The following PLPP1 variants were observed in gnomAD, a reference collection of about 807,000 sequenced individuals.
The protein encoded by PLPP1 is lipid phosphate phosphohydrolase 1a.
PLPP1 carries 24 observed loss-of-function variants against 31.2 expected under a neutral mutation model. The ratio of observed to expected loss-of-function variants is 0.77; its 90% CI spans 0.56 to 1.08. The LOEUF (loss-of-function observed/expected upper bound fraction) is 1.08, where lower values mean the gene tolerates loss of function less well. Among genes scored for constraint, PLPP1 ranks in the 50% least tolerant of loss-of-function variants. PLPP1 has a pLI of 0.00. For synonymous variants in PLPP1, 146 were observed against 126.3 expected (o/e 1.16, Z -1.05); for missense variants, 319 against 342.7 (o/e 0.93, Z 0.55).
At chr5:55,476,445 A>T (rs896549488) in intron 1 of PLPP1, among the ~76,000 whole-genome samples, 12 of 152,062 alleles carry the variant, frequency 7.9e-5, no homozygotes, top group Non-Finnish European at 1.6e-4. Context: ...AAAACGCCAA[A>T]TTTTTGCCTA....
intron 1 of PLPP1, among the ~76,000 whole-genome samples, chr5:55,526,737 C>T (rs970513617): frequency 4.6e-5 from 7 of 151,944 alleles, no homozygotes; most frequent in Admixed American, 1.3e-4. Context: ...TCGAGACCAT[C>T]CTGGCTAACA....
intron 1 of PLPP1, among the ~76,000 whole-genome samples, chr5:55,517,533 T>C (rs1038407556): frequency 7.9e-5 from 12 of 152,182 alleles, no homozygotes; most frequent in Non-Finnish European, 1.6e-4. Context: ...TGTGAGGATA[T>C]GAAATAAGAG....
intron 3 of PLPP1, among the ~76,000 whole-genome samples, chr5:55,457,164 C>CAA (rs78123061): frequency 7.9e-4 from 82 of 103,178 alleles, no homozygotes; most frequent in African/African-American, 2.9e-3. Flanking sequence ...CGTCTCAGAC[C>CAA]AAAAAAAAAA....
Position 55,534,847 on chromosome 5 carries a change from A to G in PLPP1, c.-218T>C. 1.9e-6 allele frequency: 1 copy of G among 533,420 alleles called. No homozygotes were observed. The highest frequency in any genetic ancestry group is 3.3e-6 in the Non-Finnish European group (1 of 306,830). 33.0% of individuals were successfully genotyped at this position (533,420 alleles called of 1,614,324 possible). Reference sequence around the variant, plus strand: ...CCCTCCCCTCACAGCCCCCGCGAACACTCGGTTAGTGCCGAGGCGCTCGTG... The same window carrying G: ...CCCTCCCCTCACAGCCCCCGCGAACGCTCGGTTAGTGCCGAGGCGCTCGTG... On this transcript the variant is annotated 5_prime_UTR_variant, in exon 1 of 6. Coordinates refer to ENST00000307259, the MANE Select transcript of PLPP1 (RefSeq NM_003711.4).
chr5:55,438,911 A>AG (rs1010270878), intron 4 of PLPP1, among the ~76,000 whole-genome samples: 1 of 152,114 alleles, frequency 6.6e-6, no homozygotes, highest in African/African-American at 2.4e-5. Flanking sequence ...AAAAAAAAAA[A>AG]AAAAGTTGTA....
intron 1 of PLPP1, among the ~76,000 whole-genome samples, chr5:55,513,337 T>G (rs976033464): frequency 1.3e-5 from 2 of 150,854 alleles, no homozygotes; most frequent in African/African-American, 4.9e-5. Flanking sequence ...CTCAGCTAAC[T>G]GCAACCTCTG....
intron 1 of PLPP1, among the ~76,000 whole-genome samples, chr5:55,479,634 GA>G: frequency 2.6e-5 from 1 of 39,104 alleles, no homozygotes; most frequent in East Asian, 4.0e-4. Context: ...CCTGGTCCCT[GA>G]ACCGGGTGAA....
rs186311278 is a variant in PLPP1, at chr5:55,425,424, A to G, written c.727-90T>C. ...TCAACAGCATCCTAAGATAAATATAAACAAAAGGATATACTTTGAGGTGTA... is the reference window on the plus strand; with the variant it reads ...TCAACAGCATCCTAAGATAAATATAGACAAAAGGATATACTTTGAGGTGTA... On this transcript the variant is annotated intron_variant, in intron 5 of 5. Transcript: ENST00000307259. 5.6e-5 allele frequency: 68 copies of G among 1,223,142 alleles called. No individual in the cohort carries two copies. The African/African-American group carries it at 1.0e-3, about 18-fold the overall frequency. The allele number at this position is 1,223,142 out of a possible 1,614,324, so 75.8% of individuals were successfully genotyped here.
At chr5:55,464,072 G>A (rs1579941269) in intron 3 of PLPP1, among the ~76,000 whole-genome samples, 1 of 151,592 alleles carries the variant, frequency 6.6e-6, no homozygotes, top group South Asian at 2.1e-4. Context: ...AAACCACACT[G>A]AGATACCATA....
chr5:55,491,136 G>C (rs764104657), intron 1 of PLPP1: 6 of 1,604,432 alleles, frequency 3.7e-6, no homozygotes, highest in Non-Finnish European at 5.1e-6. Flanking sequence ...GGGAAAAAAA[G>C]ACACACATGA....
At chr5:55,494,147 G>A (rs922032158) in intron 1 of PLPP1, among the ~76,000 whole-genome samples, 13 of 151,234 alleles carry the variant, frequency 8.6e-5, no homozygotes, top group Non-Finnish European at 1.8e-4. Context: ...CAGCAACATG[G>A]TAAAATGAGG....
chr5:55,425,783 T>G, intron 5 of PLPP1, 80 bp downstream of exon 5: 2 of 1,230,576 alleles, frequency 1.6e-6, no homozygotes, highest in Non-Finnish European at 2.1e-6. Context: ...CAGCTGGGGA[T>G]TTTTTGGATT....
rs1227773844 is a variant in PLPP1 at position 55,534,708 on chromosome 5, G to A, written c.-79C>T. 3.5e-6 allele frequency: 5 copies of A among 1,428,444 alleles called. No individual in the cohort carries two copies. The highest frequency in any genetic ancestry group is 1.3e-5 in the South Asian group (1 of 77,242). 88.5% of individuals were successfully genotyped at this position (1,428,444 alleles called of 1,614,324 possible). On this transcript the variant is annotated 5_prime_UTR_variant, in exon 1 of 6. Transcript: ENST00000307259. ...GCCGAGGCCCTTGATTCTCGAGCCC[G>A]GGCCGGGGCTGGCGACGGCCCCGAG...
At chr5:55,530,437 C>T in intron 1 of PLPP1, 2 of 1,266,208 alleles carry the variant, frequency 1.6e-6, no homozygotes, top group Non-Finnish European at 2.3e-6. Flanking sequence ...GTAGGATGAC[C>T]AGAAGAACTT....
At chr5:55,440,205 AAAAC>A (rs1447545262) in intron 4 of PLPP1, among the ~76,000 whole-genome samples, 1 of 152,216 alleles carries the variant, frequency 6.6e-6, no homozygotes, top group African/African-American at 2.4e-5. Context: ...AGGTGAGCGA[AAAAC>A]AAACCACAAT....
intron 3 of PLPP1, among the ~76,000 whole-genome samples, chr5:55,459,558 G>C (rs1561231342): frequency 6.6e-6 from 1 of 152,150 alleles, no homozygotes; most frequent in African/African-American, 2.4e-5. Context: ...AGGGGGATGG[G>C]AATCAACTAA....
chr5:55,505,446 G>A (rs1301250725), intron 1 of PLPP1, among the ~76,000 whole-genome samples: 73 of 73,990 alleles, frequency 9.9e-4, no homozygotes, highest in Non-Finnish European at 1.7e-3. Flanking sequence ...CTATACACAC[G>A]CAAAAAAAAA....
chr5:55,485,200 G>GAA (rs1752750636), intron 1 of PLPP1: 2 of 152,280 alleles, frequency 1.3e-5, no homozygotes, highest in Admixed American at 1.3e-4. Context: ...AAACTACAGT[G>GAA]AAAGCAGTCT....
At chr5:55,434,612 A>C (rs2111683342) in intron 4 of PLPP1, among the ~76,000 whole-genome samples, 1 of 152,292 alleles carries the variant, frequency 6.6e-6, no homozygotes, top group African/African-American at 2.4e-5. Context: ...AATAGATACC[A>C]GAAATAAGTC....
Sources: gnomAD v4.1 joint callset for allele counts (sites outside exome capture counted in the v4.1 genomes callset) on GRCh38, gnomAD v4.1.1 for gene constraint, MANE v1.5 for transcripts, NCBI Gene and HGNC (gene_info 2026-07-23, HGNC 2026-07-21) for gene names.